The following LRRC53 variants were observed in gnomAD, a reference collection of about 807,000 sequenced individuals.
LRRC53 encodes the protein leucine rich repeat containing 53, also known as leucine-rich repeat-containing protein 53.
Under a neutral mutation model 13.6 loss-of-function variants are expected in LRRC53, and 25 were observed. That is an observed-to-expected ratio of 1.83 (90% confidence interval 1.34 to 2.56). LRRC53 has a LOEUF of 2.56. LRRC53 is among the 30% of genes most tolerant of loss of function. The pLI is 0.00. For synonymous variants in LRRC53, 204 were observed against 109.8 expected (o/e 1.86, Z -5.37); for missense variants, 527 against 275.8 (o/e 1.91, Z -6.45).
intron 3 of LRRC53, among the ~76,000 whole-genome samples, chr1:74,476,170 G>A (rs1451209943): frequency 2.6e-5 from 4 of 152,128 alleles, no homozygotes; most frequent in Non-Finnish European, 5.9e-5. Flanking sequence ...ATAATAGAGT[G>A]AATGACTTCT....
chr1:74,475,497 GTCTT>G lies in LRRC53; in HGVS notation c.1214_1217del (p.Lys405ThrfsTer4), dbSNP rs762033551. 5 of 716,744 alleles carry G rather than the reference GTCTT, an allele frequency of 7.0e-6. No homozygotes were observed. Among genetic ancestry groups the G allele is most frequent in the Non-Finnish European group, 1.3e-5 (5 of 384,818 alleles). 44.4% of individuals were successfully genotyped at this position (716,744 alleles called of 1,614,324 possible). A position where few individuals can be genotyped will look rare whatever the true frequency, so the allele number is the denominator to read the frequency against. ...AAAATAAAGTGCTGCCTACCCCACG[GTCTT>G]TCTTTTTCAGGTTTCTAAATGATCC... On this transcript the variant is annotated frameshift_variant, in exon 4 of 5. Transcript: ENST00000294635. LOFTEE classifies it high-confidence loss of function.
At chr1:74,482,143 G>A (rs1050621437) in intron 2 of LRRC53, among the ~76,000 whole-genome samples, 2 of 152,104 alleles carry the variant, frequency 1.3e-5, no homozygotes, top group African/African-American at 4.8e-5. Context: ...GGATGAAGGA[G>A]GTTTGTTTTC....
chr1:74,485,895 C>T (rs145527996), intron 1 of LRRC53, among the ~76,000 whole-genome samples: 93 of 152,236 alleles, frequency 6.1e-4, no homozygotes, highest in African/African-American at 1.9e-3. Flanking sequence ...ACAACCAATG[C>T]GCTTAAAAGA....
chr1:74,509,579 G>A (rs1010254397), intron 1 of LRRC53, among the ~76,000 whole-genome samples: 22 of 151,746 alleles, frequency 1.4e-4, no homozygotes, highest in Admixed American at 7.2e-4. Context: ...TTAACATAGA[G>A]GACAATGAAT....
chr1:74,505,698 AT>A (rs1669860405), intron 1 of LRRC53, among the ~76,000 whole-genome samples: 1 of 152,178 alleles, frequency 6.6e-6, no homozygotes, highest in Non-Finnish European at 1.5e-5. Context: ...ACCAGTTGTC[AT>A]TTCTCATTAT....
At chr1:74,490,407 AG>A (rs1035513893) in intron 1 of LRRC53, among the ~76,000 whole-genome samples, 1 of 152,160 alleles carries the variant, frequency 6.6e-6, no homozygotes, top group Non-Finnish European at 1.5e-5. Flanking sequence ...GGTTTGAGTG[AG>A]TTTGCTTCGA....
At chr1:74,487,746 A>T (rs907001297) in intron 1 of LRRC53, among the ~76,000 whole-genome samples, 2 of 152,208 alleles carry the variant, frequency 1.3e-5, no homozygotes, top group African/African-American at 4.8e-5. Context: ...ACTTTAGGAC[A>T]TATTTGGAAC....
the LRRC53 span, among the ~76,000 whole-genome samples, chr1:74,535,860 C>G: frequency 1.3e-5 from 2 of 152,154 alleles, no homozygotes; most frequent in South Asian, 4.1e-4. Context: ...CCCCTTCTTA[C>G]TTACAAAGCA....
intron 1 of LRRC53, among the ~76,000 whole-genome samples, chr1:74,501,668 T>C (rs1370304360): frequency 6.6e-6 from 1 of 152,122 alleles, no homozygotes; most frequent in Non-Finnish European, 1.5e-5. Flanking sequence ...TGTACTTTTT[T>C]AGTAGAGACG....
chr1:74,499,691 A>G (rs1310168166), intron 1 of LRRC53, among the ~76,000 whole-genome samples: 1 of 152,116 alleles, frequency 6.6e-6, no homozygotes, highest in African/African-American at 2.4e-5. Context: ...CCACCAAAAA[A>G]ATGAGATTTT....
At chr1:74,501,776 C>T (rs953549873) in intron 1 of LRRC53, among the ~76,000 whole-genome samples, 88 of 152,078 alleles carry the variant, frequency 5.8e-4, no homozygotes, top group African/African-American at 2.0e-3. Flanking sequence ...CATGAGCCAC[C>T]GCATCCGGCC....
chr1:74,509,980 C>T (rs1487775547), intron 1 of LRRC53, among the ~76,000 whole-genome samples: 1 of 151,980 alleles, frequency 6.6e-6, no homozygotes, highest in African/African-American at 2.4e-5. Flanking sequence ...TCTTGAATTC[C>T]TGAATTCAAG....
the LRRC53 span, among the ~76,000 whole-genome samples, chr1:74,518,191 G>A: frequency 6.6e-6 from 1 of 152,016 alleles, no homozygotes. Flanking sequence ...TAGATGGAGA[G>A]GGTTTGCTGA....
intron 3 of LRRC53, among the ~76,000 whole-genome samples, chr1:74,476,118 C>T (rs1668194036): frequency 6.6e-6 from 1 of 152,124 alleles, no homozygotes; most frequent in African/African-American, 2.4e-5. Flanking sequence ...CCTGCAGTAA[C>T]ATTATTTTTT....
chr1:74,475,023 A>G (rs1478304529), intron 4 of LRRC53, among the ~76,000 whole-genome samples: 2 of 151,166 alleles, frequency 1.3e-5, no homozygotes, highest in Non-Finnish European at 2.9e-5. Flanking sequence ...TTTTTTTAAC[A>G]TTGTTAGGTG....
chr1:74,519,525 C>T, the LRRC53 span, among the ~76,000 whole-genome samples: 10 of 125,782 alleles, frequency 8.0e-5, 1 homozygote, highest in South Asian at 2.4e-4. Context: ...CCTATTTCTC[C>T]GCATCCTCTC....
intron 2 of LRRC53, 91 bp from the exon 3 acceptor site, chr1:74,481,059 G>A: frequency 1.6e-6 from 1 of 610,036 alleles, no homozygotes; most frequent in Non-Finnish European, 3.0e-6. Context: ...TATCCTCTGA[G>A]CAATCTTATC....
At chr1:74,478,297 CTT>C (rs1348756187) in intron 3 of LRRC53, among the ~76,000 whole-genome samples, 2 of 152,146 alleles carry the variant, frequency 1.3e-5, no homozygotes, top group African/African-American at 4.8e-5. Flanking sequence ...CACACCAAAA[CTT>C]AACATATATG....
the LRRC53 span, among the ~76,000 whole-genome samples, chr1:74,517,710 G>A: frequency 1.3e-5 from 2 of 152,074 alleles, no homozygotes; most frequent in Non-Finnish European, 2.9e-5. Context: ...AGTACGACTG[G>A]TAAACCGAAA....
Sources: gnomAD v4.1 joint callset for allele counts (sites outside exome capture counted in the v4.1 genomes callset) on GRCh38, gnomAD v4.1.1 for gene constraint, MANE v1.5 for transcripts, NCBI Gene and HGNC (gene_info 2026-07-23, HGNC 2026-07-21) for gene names.